Variants in NSD2 observed in about 807,000 individuals in gnomAD.
The protein encoded by NSD2 is histone-lysine N-methyltransferase NSD2.
In NSD2, 12 loss-of-function variants were observed where a neutral mutation model predicts 139.0. That is an observed-to-expected ratio of 0.09 (90% CI 0.06 to 0.14). The LOEUF (loss-of-function observed/expected upper bound fraction) is 0.14. Ranked by LOEUF, NSD2 falls within the 10% of genes least tolerant of loss-of-function variation. The pLI is 1.00. For missense variants in NSD2, 1,155 were observed against 1,745.0 expected (o/e 0.66, Z 6.02); for synonymous variants, 669 against 648.7 (o/e 1.03, Z -0.48).
At chr4:1,889,392 G>A (rs1043862989) in intron 1 of NSD2, among the ~76,000 whole-genome samples, 2 of 152,068 alleles carry the variant, frequency 1.3e-5, no homozygotes, top group Non-Finnish European at 2.9e-5. Context: ...TGAGGTTCTT[G>A]CTATGTTGCC....
At chr4:1,945,058 C>A (rs375197958) in intron 9 of NSD2, 1 of 1,066,278 alleles carries the variant, frequency 9.4e-7, no homozygotes, top group African/African-American at 1.6e-5. Context: ...GAGTCGGGGG[C>A]TCCTCTGTCC....
Position 1,901,198 on chromosome 4 carries a change from G to A in NSD2, c.544G>A (p.Gly182Ser), listed in dbSNP as rs773295682. ...AAAATATGACTCCTTGCTGGAGCAG[G>A]GCCTTGTCGAAGCAGCTCTTGTGTC... ...SIKYDSLLEQ[G>S]LVEAALVSKI... Residue 182 changes from glycine (G) to serine (S), a missense_variant, in exon 2 of 22, where the codon GGC (glycine) becomes AGC (serine). This residue lies in a region of NSD2 where 246 missense variants were observed against 262.8 expected (regional missense o/e 0.94). Transcript: ENST00000508803. 1.9e-6 allele frequency: 3 copies of A among 1,605,450 alleles called. No individual in the cohort carries two copies. The South Asian group carries it at 3.4e-5, about 18-fold the overall frequency.
chr4:1,875,534 C>T (rs1054926535), intron 1 of NSD2, among the ~76,000 whole-genome samples: 5 of 152,068 alleles, frequency 3.3e-5, no homozygotes, highest in Admixed American at 6.6e-5. Context: ...CCCACTTCGG[C>T]CTTGTGCCTG....
intron 21 of NSD2, among the ~76,000 whole-genome samples, chr4:1,977,869 T>C (rs1727270314): frequency 6.6e-6 from 1 of 151,058 alleles, no homozygotes; most frequent in Non-Finnish European, 1.5e-5. Flanking sequence ...CTCATGCCTC[T>C]AATCCCAGCA....
intron 8 of NSD2, 122 bp from the exon 9 acceptor site, chr4:1,939,531 GA>G: frequency 9.7e-7 from 1 of 1,029,184 alleles, no homozygotes; most frequent in Non-Finnish European, 1.4e-6. Flanking sequence ...AGTTAAGCCA[GA>G]AGGACAAAGG....
chr4:1,898,429 C>CAT (rs1415556209), intron 1 of NSD2, among the ~76,000 whole-genome samples: 1 of 152,080 alleles, frequency 6.6e-6, no homozygotes, highest in Non-Finnish European at 1.5e-5. Context: ...CTTTGGGAGG[C>CAT]CAAGGCGGGC....
chr4:1,938,097 T>C (rs944591394), intron 7 of NSD2, among the ~76,000 whole-genome samples: 1 of 152,188 alleles, frequency 6.6e-6, no homozygotes, highest in Non-Finnish European at 1.5e-5. Flanking sequence ...TCTAGGTGCA[T>C]GTTCAATAAG....
chr4:1,978,026 G>T (rs1402093960), intron 21 of NSD2, among the ~76,000 whole-genome samples: 2 of 151,442 alleles, frequency 1.3e-5, no homozygotes, highest in Non-Finnish European at 1.5e-5. Context: ...ACTCGGAAGG[G>T]TGAGGCAGCA....
intron 1 of NSD2, among the ~76,000 whole-genome samples, chr4:1,883,313 A>ACCCCTCCCCCCATTTAAAAGTGTAC: frequency 6.6e-6 from 1 of 151,342 alleles, no homozygotes; most frequent in Non-Finnish European, 1.5e-5. Flanking sequence ...CCACCTTGAT[A>ACCCCTCCCCCCATTTAAAAGTGTAC]CCCCTCCCCC....
At chr4:1,959,217 G>A (rs571307249) in intron 16 of NSD2, among the ~76,000 whole-genome samples, 3 of 152,256 alleles carry the variant, frequency 2.0e-5, no homozygotes, top group South Asian at 4.1e-4. Context: ...GTTCATCAGC[G>A]ATGTGCACAG....
At chr4:1,916,792 C>T in intron 3 of NSD2, 79 bp from the exon 4 acceptor site, 1 of 1,442,158 alleles carries the variant, frequency 6.9e-7, no homozygotes, top group Non-Finnish European at 9.4e-7. Flanking sequence ...AGGGAAACAA[C>T]TGCAAAATAG....
intron 5 of NSD2, among the ~76,000 whole-genome samples, chr4:1,928,558 A>G (rs1479566650): frequency 1.3e-5 from 2 of 152,140 alleles, no homozygotes; most frequent in Non-Finnish European, 2.9e-5. Context: ...TGATGATGAC[A>G]CTTTCCTGGC....
chr4:1,963,139 C>T (rs766871047), intron 18 of NSD2, among the ~76,000 whole-genome samples: 2 of 152,176 alleles, frequency 1.3e-5, no homozygotes, highest in Non-Finnish European at 2.9e-5. Flanking sequence ...AGATAAGGGG[C>T]CTGAGCTTGC....
chr4:1,892,618 T>C (rs1311231780), intron 1 of NSD2, among the ~76,000 whole-genome samples: 1 of 150,950 alleles, frequency 6.6e-6, no homozygotes, highest in East Asian at 1.9e-4. Context: ...CAGGCTGGAG[T>C]GTAGTGGCCT....
At chr4:1,963,474 C>G (rs115891278) in intron 18 of NSD2, among the ~76,000 whole-genome samples, 1 of 152,186 alleles carries the variant, frequency 6.6e-6, no homozygotes, top group Non-Finnish European at 1.5e-5. Context: ...TGTTAGACAT[C>G]GAAGCCCTAG....
intron 1 of NSD2, among the ~76,000 whole-genome samples, chr4:1,873,162 G>T (rs989419399): frequency 2.0e-5 from 3 of 152,174 alleles, no homozygotes; most frequent in Admixed American, 1.3e-4. Flanking sequence ...GTTTTGGGCT[G>T]ATGGTTGGTA....
chr4:1,920,404 C>T (rs959258524), intron 5 of NSD2, among the ~76,000 whole-genome samples: 7 of 152,156 alleles, frequency 4.6e-5, no homozygotes, highest in African/African-American at 1.4e-4. Flanking sequence ...AATCATGCCG[C>T]TGCACTCCAG....
In NSD2 at chr4:1,948,617, C is replaced by T. The variant is rs1723887582; in HGVS notation, c.1882-2455C>T. On this transcript the variant is annotated intron_variant, in intron 9 of 21. Coordinates refer to ENST00000508803, the MANE Select transcript of NSD2 (RefSeq NM_001042424.3). The surrounding 1 kb of genome is among the most constrained non-coding windows in gnomAD (Gnocchi z 4.5). ...GTCATGGACTGTACTATTGTAAGGT[C>T]TATATTCTGTATGTGGGTCCCAGAC... 9.4e-7 allele frequency: 1 copy of T among 1,062,182 alleles called. No individual in the cohort carries two copies. The highest frequency in any genetic ancestry group is 4.6e-5 in the South Asian group (1 of 21,934). 65.8% of individuals were successfully genotyped at this position (1,062,182 alleles called of 1,614,324 possible).
chr4:1,941,778 A>ACAGCATT, intron 9 of NSD2: 1 of 1,049,744 alleles, frequency 9.5e-7, no homozygotes, highest in Non-Finnish European at 1.2e-6. Flanking sequence ...TTTTTATAGA[A>ACAGCATT]TTATGCTGTT....
Sources: gnomAD v4.1 joint callset for allele counts (sites outside exome capture counted in the v4.1 genomes callset) on GRCh38, gnomAD v4.1.1 for gene constraint, gnomAD v4.1.1 regional missense constraint, Gnocchi (gnomAD v3.1) non-coding constraint, MANE v1.5 for transcripts, NCBI Gene and HGNC (gene_info 2026-07-23, HGNC 2026-07-21) for gene names.